MGAT5: variants seen among roughly 807,000 people sequenced by gnomAD.
MGAT5 encodes alpha-1,6-mannosylglycoprotein 6-beta-N-acetylglucosaminyltransferase, also known as alpha-1,6-mannosylglycoprotein 6-beta-N-acetylglucosaminyltransferase A.
Under a neutral mutation model 94.3 loss-of-function variants are expected in MGAT5, and 30 were observed. The observed-to-expected ratio is 0.32, with a 90% CI of 0.24 to 0.43. The LOEUF (loss-of-function observed/expected upper bound fraction) is 0.43, where lower values mean the gene tolerates loss of function less well. MGAT5 is among the 20% of genes least tolerant of loss of function. MGAT5 has a pLI of 1.00. For missense variants in MGAT5, 691 were observed against 905.5 expected, an observed-to-expected ratio of 0.76 and a Z score of 3.04; for synonymous variants, 310 against 322.9, an observed-to-expected ratio of 0.96 and a Z score of 0.43.
chr2:134,344,295 G>A (rs1414054801), intron 7 of MGAT5, among the ~76,000 whole-genome samples: 1 of 152,120 alleles, frequency 6.6e-6, no homozygotes, highest in Non-Finnish European at 1.5e-5. Context: ...GTAAACCATA[G>A]TGCTAGTTCT....
At position 134,453,452 on chromosome 2, in the gene MGAT5, T is replaced by C. The variant is rs74398272; in HGVS notation, c.*4605T>C. ...CAAGGGTTTTCCTCAAGGAACATTT[T>C]TGAGCTAGAAATTAAAATGGGTTCT... On this transcript the variant is annotated 3_prime_UTR_variant, in exon 16 of 16. Coordinates refer to ENST00000281923, the MANE Select transcript of MGAT5 (RefSeq NM_002410.5). 1,874 of 152,334 alleles carry C rather than the reference T, an allele frequency of 0.012. 25 individuals carry two copies. The highest frequency in any genetic ancestry group is 0.02 in the Non-Finnish European group (1,381 of 68,032). 9.4% of individuals were successfully genotyped at this position (152,334 alleles called of 1,614,324 possible). A position where few individuals can be genotyped will look rare whatever the true frequency, so the allele number is the denominator to read the frequency against.
At chr2:134,341,798 A>G (rs1345591207) in intron 7 of MGAT5, 39 bp downstream of exon 7, 1 of 1,554,948 alleles carries the variant, frequency 6.4e-7, no homozygotes, top group African/African-American at 1.4e-5. Flanking sequence ...TCAGAATACA[A>G]AAAAGAAATT....
intron 2 of MGAT5, among the ~76,000 whole-genome samples, chr2:134,291,521 G>A (rs1343817816): frequency 6.6e-6 from 1 of 152,170 alleles, no homozygotes; most frequent in Non-Finnish European, 1.5e-5. Flanking sequence ...GCCTCTGAAG[G>A]AGTGATGTTT....
intron 2 of MGAT5, among the ~76,000 whole-genome samples, chr2:134,316,547 A>T (rs1408685294): frequency 1.3e-5 from 2 of 152,182 alleles, no homozygotes; most frequent in Non-Finnish European, 2.9e-5. Context: ...GTTCTCCACC[A>T]TTAGACCGTA....
rs1336539408 is a variant in MGAT5 at position 134,453,203 on chromosome 2, G to C, written c.*4356G>C. On this transcript the variant is annotated 3_prime_UTR_variant, in exon 16 of 16. Coordinates refer to ENST00000281923, the MANE Select transcript of MGAT5 (RefSeq NM_002410.5). Reference sequence around the variant, plus strand: ...ATGAAAACATGATTCCAAGTTGATTGAATGTTGTAGGAATTACTGGTTTAG... The same window carrying C: ...ATGAAAACATGATTCCAAGTTGATTCAATGTTGTAGGAATTACTGGTTTAG... 6.6e-6 allele frequency: 1 copy of C among 152,206 alleles called. No individual in the cohort carries two copies. Among genetic ancestry groups the C allele is most frequent in the Non-Finnish European group, 1.5e-5 (1 of 68,034 alleles). The allele number at this position is 152,206 out of a possible 1,614,324, so 9.4% of individuals were successfully genotyped here.
At chr2:134,318,823 A>G in intron 4 of MGAT5, 84 bp downstream of exon 4, 1 of 935,744 alleles carries the variant, frequency 1.1e-6, no homozygotes, top group Non-Finnish European at 1.7e-6. Flanking sequence ...AAAAGCTTGA[A>G]AACGTGTGGT....
At position 134,231,853 on chromosome 2, in the gene MGAT5, C is replaced by T. The variant is rs115158445; in HGVS notation, c.-142-22409C>T. 4.7e-3 allele frequency among the ~76,000 whole-genome samples: 718 copies of T among 152,268 alleles called. 8 individuals carry two copies. Among genetic ancestry groups the T allele is most frequent in the African/African-American group, 0.016 (669 of 41,548 alleles). On this transcript the variant is annotated intron_variant, in intron 1 of 16. Transcript: ENST00000409645. ...GGCTGGTCCTTCTTGCCTGCTGTGC[C>T]GAGTTGTCTGTCCCCTGGTACTTTA...
At chr2:134,385,049 A>G (rs1311955298) in intron 10 of MGAT5, among the ~76,000 whole-genome samples, 1 of 152,198 alleles carries the variant, frequency 6.6e-6, no homozygotes, top group African/African-American at 2.4e-5. Context: ...GTCATGGTAT[A>G]CAGTACTATA....
At chr2:134,227,210 T>C (rs889839212) in intron 1 of MGAT5, among the ~76,000 whole-genome samples, 1 of 152,186 alleles carries the variant, frequency 6.6e-6, no homozygotes, top group South Asian at 2.1e-4. Flanking sequence ...GAGACATCCT[T>C]GGGCTCTGTA....
intron 2 of MGAT5, among the ~76,000 whole-genome samples, chr2:134,310,912 C>G (rs2105869573): frequency 6.6e-6 from 1 of 152,296 alleles, no homozygotes; most frequent in South Asian, 2.1e-4. Flanking sequence ...GAGTCGGTTC[C>G]CAGCCATGGC....
rs567906602 is a variant in MGAT5 at position 134,341,854 on chromosome 2, G to C, written c.977+95G>C. 2.7e-6 allele frequency: 3 copies of C among 1,108,592 alleles called. No individual in the cohort carries two copies. The East Asian group carries it at 8.0e-5, about 30-fold the overall frequency. 68.7% of individuals were successfully genotyped at this position (1,108,592 alleles called of 1,614,324 possible). A position where few individuals can be genotyped will look rare whatever the true frequency, so the allele number is the denominator to read the frequency against. On this transcript the variant is annotated intron_variant, in intron 7 of 15. Coordinates refer to ENST00000281923, the MANE Select transcript of MGAT5 (RefSeq NM_002410.5). ...CTCTATTAGTGTATAATTTTTTGTC[G>C]AGGAAAATGAAAGTGATAATTCACT...
chr2:134,386,548 G>GC (rs1335768121), intron 10 of MGAT5, among the ~76,000 whole-genome samples: 1 of 152,208 alleles, frequency 6.6e-6, no homozygotes, highest in Non-Finnish European at 1.5e-5. Flanking sequence ...AATTGCATCT[G>GC]CCCTCAGAGG....
At chr2:134,412,784 T>C (rs557653737) in intron 11 of MGAT5, 85 bp from the exon 12 acceptor site, 1 of 1,544,952 alleles carries the variant, frequency 6.5e-7, no homozygotes. Flanking sequence ...GGCCACAGAA[T>C]CGCCGCCTGC....
At chr2:134,249,958 G>C (rs1682497466), upstream of MGAT5, among the ~76,000 whole-genome samples, 3 of 152,246 alleles carry the variant, frequency 2.0e-5, no homozygotes, top group South Asian at 4.1e-4. Context: ...TGAGTGTGAA[G>C]TTAGTATCTC....
intron 1 of MGAT5, among the ~76,000 whole-genome samples, chr2:134,239,430 C>A (rs187363903): frequency 6.6e-6 from 1 of 152,208 alleles, no homozygotes; most frequent in African/African-American, 2.4e-5. Context: ...TAGAATAGAA[C>A]CAAAGGTTAC....
At chr2:134,333,826 T>A (rs1461475643) in intron 4 of MGAT5, among the ~76,000 whole-genome samples, 1 of 152,170 alleles carries the variant, frequency 6.6e-6, no homozygotes, top group Non-Finnish European at 1.5e-5. Context: ...GTACTTGGAG[T>A]TATTGCCAAT....
intron 1 of MGAT5, among the ~76,000 whole-genome samples, chr2:134,183,563 C>T (rs1020566354): frequency 6.6e-6 from 1 of 152,148 alleles, no homozygotes; most frequent in Non-Finnish European, 1.5e-5. Flanking sequence ...GTAGTCTTGT[C>T]TATAGAAACT....
intron 12 of MGAT5, among the ~76,000 whole-genome samples, chr2:134,416,528 A>G (rs781260282): frequency 6.7e-6 from 1 of 148,876 alleles, no homozygotes; most frequent in Non-Finnish European, 1.5e-5. Flanking sequence ...GAGGAGTGCA[A>G]TGGTGTGATC....
intron 1 of MGAT5, among the ~76,000 whole-genome samples, chr2:134,166,852 GT>G (rs1009376639): frequency 1.3e-5 from 2 of 151,958 alleles, no homozygotes; most frequent in Non-Finnish European, 2.9e-5. Flanking sequence ...TAAATCAACT[GT>G]TTTTTTTCTT....
Sources: gnomAD v4.1 joint callset for allele counts (sites outside exome capture counted in the v4.1 genomes callset) on GRCh38, gnomAD v4.1.1 for gene constraint, MANE v1.5 for transcripts, NCBI Gene and HGNC (gene_info 2026-07-23, HGNC 2026-07-21) for gene names.